The following HECW2 variants were observed in gnomAD, a reference collection of about 807,000 sequenced individuals.
The protein encoded by HECW2 is HECT, C2 and WW domain containing E3 ubiquitin protein ligase 2, also known as E3 ubiquitin-protein ligase HECW2.
In HECW2, 61 loss-of-function variants were observed where a neutral mutation model predicts 175.2. That is an observed-to-expected ratio of 0.35 (90% CI 0.28 to 0.43). HECW2 has a LOEUF of 0.43. HECW2 is among the 20% of genes least tolerant of loss of function. The pLI is 1.00. For missense variants in HECW2, 1,524 were observed against 2,000.5 expected, an observed-to-expected ratio of 0.76 and a Z score of 4.54; for synonymous variants, 671 against 731.0, an observed-to-expected ratio of 0.92 and a Z score of 1.32.
chr2:196,552,132 G>T, intron 1 of HECW2, among the ~76,000 whole-genome samples: 1 of 152,174 alleles, frequency 6.6e-6, no homozygotes, highest in East Asian at 1.9e-4. Flanking sequence ...GAGATGCAGG[G>T]AACTAATATT....
chr2:196,209,731 A>T (rs1351018854), intron 28 of HECW2, among the ~76,000 whole-genome samples: 1 of 151,516 alleles, frequency 6.6e-6, no homozygotes, highest in Non-Finnish European at 1.5e-5. Context: ...TCTAGTACTC[A>T]TCTCTTGTTC....
chr2:196,336,851 C>T (rs979608706), intron 3 of HECW2, among the ~76,000 whole-genome samples: 1 of 152,076 alleles, frequency 6.6e-6, no homozygotes, highest in Admixed American at 6.5e-5. Context: ...CCACCCCCAC[C>T]AGTGCTACAG....
chr2:196,528,096 C>T (rs964329107), intron 1 of HECW2, among the ~76,000 whole-genome samples: 6 of 152,114 alleles, frequency 3.9e-5, no homozygotes, highest in Non-Finnish European at 2.9e-5. Flanking sequence ...GAGGTGATAG[C>T]AACTGTAATG....
intron 1 of HECW2, among the ~76,000 whole-genome samples, chr2:196,539,303 T>C (rs72914643): frequency 5.0e-4 from 76 of 152,328 alleles, no homozygotes; most frequent in Non-Finnish European, 6.9e-4. Flanking sequence ...AGGAAACGTG[T>C]GACAACTTTC....
At chr2:196,546,258 A>G (rs1333334596) in intron 1 of HECW2, among the ~76,000 whole-genome samples, 1 of 152,304 alleles carries the variant, frequency 6.6e-6, no homozygotes, top group East Asian at 1.9e-4. Context: ...TGTCTTAATT[A>G]ACCCAAGCCA....
rs1201991305 is a variant in HECW2 at position 196,433,159 on chromosome 2, TG to T, written c.264del (p.Ser89ValfsTer9). ...IFWDIKEEVD[P>X]SDWIGLYHID... ...ATATGATAAAGTCCAATCCAATCACTGGGGTCCACCTCCTCTTTAATGTCCC... is the reference window on the plus strand; with the variant it reads ...ATATGATAAAGTCCAATCCAATCACTGGGTCCACCTCCTCTTTAATGTCCC... On this transcript the variant is annotated frameshift_variant, in exon 2 of 29. Transcript: ENST00000644978. LOFTEE classifies it high-confidence loss of function. The T allele has an allele frequency of 1.2e-6, 2 of 1,613,506 alleles. No individual in the cohort carries two copies. The highest frequency in any genetic ancestry group is 1.7e-6 in the Non-Finnish European group (2 of 1,179,580).
intron 1 of HECW2, among the ~76,000 whole-genome samples, chr2:196,544,504 G>C (rs757395559): frequency 3.2e-4 from 48 of 152,306 alleles, no homozygotes; most frequent in Admixed American, 7.8e-4. Flanking sequence ...AATCCAGTTG[G>C]GGGGCACTGG....
chr2:196,561,260 C>T (rs886374404), intron 1 of HECW2, among the ~76,000 whole-genome samples: 2 of 152,222 alleles, frequency 1.3e-5, no homozygotes, highest in African/African-American at 4.8e-5. Context: ...ACGCCCTGGC[C>T]TCCTGCAGTG....
chr2:196,374,707 G>A (rs1694000912), intron 2 of HECW2, among the ~76,000 whole-genome samples: 1 of 152,032 alleles, frequency 6.6e-6, no homozygotes, highest in Admixed American at 6.6e-5. Context: ...AAGTGACCTT[G>A]TAGCTATCCA....
intron 1 of HECW2, among the ~76,000 whole-genome samples, chr2:196,545,669 A>T (rs945407856): frequency 6.6e-6 from 1 of 152,202 alleles, no homozygotes; most frequent in African/African-American, 2.4e-5. Flanking sequence ...ATGCTCTTAC[A>T]TTCAATCCGT....
At chr2:196,310,559 A>G (rs987457383) in intron 10 of HECW2, among the ~76,000 whole-genome samples, 1 of 152,174 alleles carries the variant, frequency 6.6e-6, no homozygotes, top group Non-Finnish European at 1.5e-5. Context: ...CCAACATCTT[A>G]TATGTCTTTA....
At chr2:196,263,494 T>C (rs886672436) in intron 17 of HECW2, 3 of 152,246 alleles carry the variant, frequency 2.0e-5, no homozygotes, top group African/African-American at 7.2e-5. Context: ...TACAGTTCAG[T>C]GGCACATTCA....
chr2:196,402,792 T>C (rs1486545891), intron 2 of HECW2, among the ~76,000 whole-genome samples: 2 of 145,464 alleles, frequency 1.4e-5, no homozygotes, highest in East Asian at 2.1e-4. Flanking sequence ...AACAGATTCC[T>C]TGCCTTGGGA....
chr2:196,573,212 A>G (rs2125517059), intron 1 of HECW2, among the ~76,000 whole-genome samples: 1 of 151,942 alleles, frequency 6.6e-6, no homozygotes, highest in Non-Finnish European at 1.5e-5. Context: ...GACCCCCAGA[A>G]ATTTGTTTCT....
intron 11 of HECW2, 88 bp downstream of exon 11, chr2:196,307,845 CAA>C (rs1691326724): frequency 1.6e-6 from 2 of 1,238,796 alleles, no homozygotes; most frequent in Non-Finnish European, 2.2e-6. Context: ...ACACAAAGAT[CAA>C]AGAGACAACC....
At chr2:196,409,876 C>A (rs978180035) in intron 2 of HECW2, among the ~76,000 whole-genome samples, 1 of 152,154 alleles carries the variant, frequency 6.6e-6, no homozygotes, top group African/African-American at 2.4e-5. Context: ...ATCCCTTATA[C>A]AGTAAATCCC....
In HECW2 at chr2:196,319,765, G is replaced by A; in HGVS notation, c.1125C>T (p.Asp375=). ...QVCSNGPVSE[D]SAADGTPKHS... ...GCTTGGGGGTTCCATCGGCAGCACT[G>A]TCCTCAGAAACTGGCCCATTAGAGC... The change falls in exon 9 of 29, where the codon GAC becomes GAT. Residue 375 remains aspartate (D), a synonymous_variant. Coordinates refer to ENST00000644978, the MANE Select transcript of HECW2 (RefSeq NM_001348768.2). 1 of 1,614,164 alleles carries A rather than the reference G, an allele frequency of 6.2e-7. No homozygotes were observed. Among genetic ancestry groups the A allele is most frequent in the South Asian group, 1.1e-5 (1 of 91,086 alleles).
chr2:196,389,709 G>A (rs1367845028), intron 2 of HECW2, among the ~76,000 whole-genome samples: 1 of 152,118 alleles, frequency 6.6e-6, no homozygotes, highest in Non-Finnish European at 1.5e-5. Flanking sequence ...CCTTATTCTT[G>A]GCATCTTCTG....
chr2:196,350,257 C>T (rs572546333), intron 2 of HECW2, among the ~76,000 whole-genome samples: 29 of 152,176 alleles, frequency 1.9e-4, no homozygotes, highest in African/African-American at 5.1e-4. Flanking sequence ...CCCAGCTATA[C>T]GGGAGGCTGA....
Sources: allele counts gnomAD v4.1 joint callset (sites outside exome capture counted in the v4.1 genomes callset), GRCh38; gene constraint gnomAD v4.1.1; transcripts MANE v1.5; gene names NCBI Gene and HGNC (gene_info 2026-07-23, HGNC 2026-07-21).